CCSER2: variants seen among roughly 807,000 people sequenced by gnomAD.
The protein encoded by CCSER2 is serine-rich coiled-coil domain-containing protein 2.
A neutral mutation model predicts 92.3 loss-of-function variants in CCSER2; 46 were observed. The ratio of observed to expected loss-of-function variants is 0.50; its 90% CI spans 0.39 to 0.64. The LOEUF is 0.64. Ranked by LOEUF, CCSER2 falls within the 30% of genes least tolerant of loss-of-function variation. The probability of loss-of-function intolerance (pLI) is 0.00; values close to 1 mark genes in which losing one functional copy is unlikely to be tolerated. For missense variants in CCSER2, 1,244 were observed against 1,238.9 expected (o/e 1.00, Z -0.06); for synonymous variants, 433 against 431.4 (o/e 1.00, Z -0.04).
In CCSER2 at chr10:84,457,604, T is replaced by TATTATATATA. The variant is rs1386772300; in HGVS notation, c.2065-6319_2065-6310dup. On this transcript the variant is annotated intron_variant, in intron 6 of 9. Transcript: ENST00000372088. The stretch of plus-strand genomic sequence containing the variant: ...TATTATATATAATTATATATTTATA[T>TATTATATATA]ATTATATATAATTATATATTTATAT... Among the ~76,000 whole-genome samples the TATTATATATA allele has an allele frequency of 3.3e-4, 38 of 116,168 alleles. 1 individual carries two copies. The highest frequency in any genetic ancestry group is 2.8e-3 in the South Asian group (12 of 4,300). 76.2% of individuals were successfully genotyped at this position (116,168 alleles called of 152,430 possible). A position where few individuals can be genotyped will look rare whatever the true frequency, so the allele number is the denominator to read the frequency against.
At chr10:84,511,380 T>C (rs1372808192) in intron 9 of CCSER2, among the ~76,000 whole-genome samples, 1 of 152,204 alleles carries the variant, frequency 6.6e-6, no homozygotes, top group Non-Finnish European at 1.5e-5. Context: ...AATGGCCCTT[T>C]CCTGGGCATT....
chr10:84,350,505 TA>T (rs1844802961), intron 1 of CCSER2, among the ~76,000 whole-genome samples: 1 of 152,258 alleles, frequency 6.6e-6, no homozygotes, highest in Non-Finnish European at 1.5e-5. Flanking sequence ...AGGTGATTAA[TA>T]AATATTTGAA....
intron 9 of CCSER2, among the ~76,000 whole-genome samples, chr10:84,508,161 C>T (rs759476652): frequency 4.6e-5 from 7 of 152,084 alleles, no homozygotes; most frequent in Non-Finnish European, 1.0e-4. Flanking sequence ...AATTTGAACA[C>T]GTTAACATTT....
intron 4 of CCSER2, among the ~76,000 whole-genome samples, chr10:84,418,817 G>A (rs780474536): frequency 2.0e-5 from 3 of 152,106 alleles, no homozygotes; most frequent in South Asian, 4.1e-4. Context: ...CAAAATAAAC[G>A]TGTATTTTTC....
At chr10:84,416,633 A>T (rs567921876) in intron 3 of CCSER2, among the ~76,000 whole-genome samples, 1 of 152,190 alleles carries the variant, frequency 6.6e-6, no homozygotes, top group Admixed American at 6.5e-5. Flanking sequence ...TTTCCCTTCT[A>T]TAAGAGTTTT....
chr10:84,334,719 G>A (rs1393104509), intron 1 of CCSER2, among the ~76,000 whole-genome samples: 1 of 151,800 alleles, frequency 6.6e-6, no homozygotes, highest in Non-Finnish European at 1.5e-5. Flanking sequence ...TTATAGCTAC[G>A]TAAGACAGGG....
At chr10:84,473,038 C>T (rs898183262) in intron 8 of CCSER2, 2 of 152,082 alleles carry the variant, frequency 1.3e-5, no homozygotes, top group African/African-American at 4.8e-5. Flanking sequence ...GAAGAGACTG[C>T]ACCAGTTGTC....
intron 7 of CCSER2, among the ~76,000 whole-genome samples, chr10:84,468,148 A>G (rs1452870439): frequency 1.3e-5 from 2 of 152,168 alleles, no homozygotes; most frequent in Non-Finnish European, 2.9e-5. Context: ...ATACTTCTCC[A>G]GACGTGCTAT....
intron 3 of CCSER2, among the ~76,000 whole-genome samples, chr10:84,412,268 CT>C (rs1231740623): frequency 6.6e-6 from 1 of 152,022 alleles, no homozygotes; most frequent in Non-Finnish European, 1.5e-5. Flanking sequence ...TATTGTATCT[CT>C]GCCAGGTTTT....
At chr10:84,459,828 T>A (rs1845994189) in intron 6 of CCSER2, among the ~76,000 whole-genome samples, 1 of 151,960 alleles carries the variant, frequency 6.6e-6, no homozygotes, top group Non-Finnish European at 1.5e-5. Context: ...CTGGTGGGTT[T>A]TTTGGATGAA....
intron 3 of CCSER2, among the ~76,000 whole-genome samples, chr10:84,408,687 AGT>A (rs1276231952): frequency 6.6e-6 from 1 of 152,220 alleles, no homozygotes; most frequent in African/African-American, 2.4e-5. Flanking sequence ...CAGTGGTGAC[AGT>A]TCTCCTTTCA....
chr10:84,513,604 C>T lies in CCSER2; in HGVS notation c.2481C>T (p.Val827=), dbSNP rs1849482111. Residue 827 remains valine (V), a synonymous_variant, in exon 10 of 10, where the codon GTC becomes GTT. Transcript: ENST00000372088. The stretch of plus-strand genomic sequence containing the variant: ...ATCCGGAAGAAAGCTTTACACACGT[C>T]TTGCACCAAGAAAGCAACTATGGTT... The part of the protein sequence containing the change: ...GAHPEESFTH[V]LHQESNYGLE... 2 of 1,612,642 alleles carry T rather than the reference C, an allele frequency of 1.2e-6. No individual in the cohort carries two copies. The highest frequency in any genetic ancestry group is 1.7e-6 in the Non-Finnish European group (2 of 1,179,572).
chr10:84,457,315 A>G (rs866747808), intron 6 of CCSER2, among the ~76,000 whole-genome samples: 4 of 59,352 alleles, frequency 6.7e-5, no homozygotes, highest in Non-Finnish European at 9.8e-5. Flanking sequence ...TGTTATATAT[A>G]ATATATTATA....
At chr10:84,395,340 A>G (rs1841773934) in intron 3 of CCSER2, among the ~76,000 whole-genome samples, 1 of 152,132 alleles carries the variant, frequency 6.6e-6, no homozygotes, top group African/African-American at 2.4e-5. Context: ...GAATTCTGCA[A>G]TTTGGATCAA....
chr10:84,366,571 G>A (rs768221932), intron 1 of CCSER2, among the ~76,000 whole-genome samples: 1 of 152,156 alleles, frequency 6.6e-6, no homozygotes, highest in Non-Finnish European at 1.5e-5. Flanking sequence ...TGGAAATGTT[G>A]GTGGATGTGG....
intron 3 of CCSER2, among the ~76,000 whole-genome samples, chr10:84,413,027 TTC>T (rs922915173): frequency 2.0e-4 from 31 of 152,336 alleles, no homozygotes; most frequent in African/African-American, 6.7e-4. Context: ...TCTTTGATTC[TTC>T]TCTCTTTTCT....
chr10:84,380,506 T>C (rs1407027685), intron 3 of CCSER2, among the ~76,000 whole-genome samples: 1 of 146,072 alleles, frequency 6.8e-6, no homozygotes, highest in Non-Finnish European at 1.5e-5. Context: ...TTGTTTTTGC[T>C]TCACATGCTC....
At chr10:84,447,618 C>G (rs760961803) in intron 6 of CCSER2, among the ~76,000 whole-genome samples, 11 of 152,246 alleles carry the variant, frequency 7.2e-5, no homozygotes, top group South Asian at 4.1e-4. Context: ...CTTTCTTGCT[C>G]TGAGGCCATA....
intron 9 of CCSER2, among the ~76,000 whole-genome samples, chr10:84,480,280 C>T (rs1394084830): frequency 6.6e-6 from 1 of 152,058 alleles, no homozygotes; most frequent in Non-Finnish European, 1.5e-5. Context: ...GCCTCAGCCT[C>T]CCCAAATGCT....
Sources: allele counts gnomAD v4.1 joint callset (sites outside exome capture counted in the v4.1 genomes callset), GRCh38; gene constraint gnomAD v4.1.1; transcripts MANE v1.5; gene names NCBI Gene and HGNC (gene_info 2026-07-23, HGNC 2026-07-21).